Variants in GPATCH2L observed in about 807,000 individuals in gnomAD.
The protein encoded by GPATCH2L is G-patch domain containing 2 like, also known as G patch domain-containing protein 2-like.
In GPATCH2L, 31 loss-of-function variants were observed where a neutral mutation model predicts 57.4. That is an observed-to-expected ratio of 0.54 (90% CI 0.41 to 0.73). GPATCH2L has a LOEUF of 0.73. GPATCH2L is among the 30% of genes least tolerant of loss of function. GPATCH2L has a pLI of 0.00. For synonymous variants in GPATCH2L, 199 were observed against 210.7 expected, an observed-to-expected ratio of 0.94 and a Z score of 0.48; for missense variants, 481 against 599.9, an observed-to-expected ratio of 0.80 and a Z score of 2.07.
At chr14:76,224,509 G>A (rs112652975) in intron 1 of GPATCH2L, among the ~76,000 whole-genome samples, 3,373 of 152,142 alleles carry the variant, frequency 0.022, 75 homozygotes, top group South Asian at 0.077. Flanking sequence ...TATTCATAGT[G>A]AACACTTAAC....
intron 5 of GPATCH2L, chr14:76,173,987 A>C (rs2039207185): frequency 3.3e-6 from 1 of 302,140 alleles, no homozygotes; most frequent in Non-Finnish European, 6.0e-6. Context: ...GAATTCATGA[A>C]TGCATCTTTG....
At chr14:76,183,005 TATC>T (rs1163645607) in intron 8 of GPATCH2L, among the ~76,000 whole-genome samples, 2 of 152,260 alleles carry the variant, frequency 1.3e-5, no homozygotes, top group African/African-American at 2.4e-5. Context: ...AGTAGCATGA[TATC>T]ATGTCAGAAT....
intron 9 of GPATCH2L, among the ~76,000 whole-genome samples, chr14:76,198,539 G>T (rs1378606732): frequency 3.3e-5 from 5 of 152,178 alleles, no homozygotes; most frequent in Non-Finnish European, 1.5e-5. Context: ...AAGCGGAATT[G>T]AGGTGATCAG....
chr14:76,201,104 G>T (rs2040299015), intron 9 of GPATCH2L, among the ~76,000 whole-genome samples: 1 of 152,074 alleles, frequency 6.6e-6, no homozygotes, highest in Admixed American at 6.6e-5. Flanking sequence ...AAAATATTGG[G>T]CCTGATTGTG....
At chr14:76,195,784 T>C (rs1594986375) in intron 8 of GPATCH2L, 94 bp from the exon 9 acceptor site, 1 of 907,710 alleles carries the variant, frequency 1.1e-6, no homozygotes, top group Non-Finnish European at 1.8e-6. Context: ...TGTTTATGTC[T>C]GTAATAGGTT....
At chr14:76,217,215 T>C (rs141374039), downstream of GPATCH2L, among the ~76,000 whole-genome samples, 383 of 152,352 alleles carry the variant, frequency 2.5e-3, 2 homozygotes, top group African/African-American at 8.8e-3. Flanking sequence ...TGTTTTGTTT[T>C]GTTTTTTCTG....
intron 2 of GPATCH2L, among the ~76,000 whole-genome samples, chr14:76,165,574 G>T (rs897311152): frequency 6.6e-6 from 1 of 151,292 alleles, no homozygotes; most frequent in East Asian, 1.9e-4. Flanking sequence ...TTCTGTGCAT[G>T]TATCCCAGAA....
chr14:76,200,581 A>C (rs1053238054), intron 9 of GPATCH2L, among the ~76,000 whole-genome samples: 1 of 152,198 alleles, frequency 6.6e-6, no homozygotes, highest in Non-Finnish European at 1.5e-5. Context: ...TGCCCTCAAG[A>C]AACTCTTGTA....
At chr14:76,158,978 G>A (rs548085903) in intron 2 of GPATCH2L, among the ~76,000 whole-genome samples, 2 of 152,286 alleles carry the variant, frequency 1.3e-5, no homozygotes, top group Admixed American at 6.5e-5. Flanking sequence ...CAGAACTCAG[G>A]GATAGAGAGT....
At chr14:76,235,273 T>C (rs962438730) in intron 2 of GPATCH2L, among the ~76,000 whole-genome samples, 4 of 152,020 alleles carry the variant, frequency 2.6e-5, no homozygotes, top group Non-Finnish European at 4.4e-5. Flanking sequence ...CACCCAAATC[T>C]CACCTTGAAT....
At chr14:76,172,077 A>G (rs1246415050) in intron 4 of GPATCH2L, 58 bp downstream of exon 4, 10 of 1,101,200 alleles carry the variant, frequency 9.1e-6, no homozygotes, top group African/African-American at 1.6e-5. Flanking sequence ...GGGCAGAGCA[A>G]TCACCCCCTA....
Position 76,212,626 on chromosome 14 carries a change from A to G in GPATCH2L, c.*10775A>G, listed in dbSNP as rs1047386301. The G allele has an allele frequency of 6.6e-6, 1 of 152,210 alleles. No individual in the cohort carries two copies. The allele number at this position is 152,210 out of a possible 1,614,324, so 9.4% of individuals were successfully genotyped here. Reference sequence around the variant, plus strand: ...AAAACTAGGACATGGGATGATTTAAATAAGATACAGAAGATCTAGTTGATG... The same window carrying G: ...AAAACTAGGACATGGGATGATTTAAGTAAGATACAGAAGATCTAGTTGATG... On this transcript the variant is annotated 3_prime_UTR_variant, in exon 10 of 10. Coordinates refer to ENST00000261530, the MANE Select transcript of GPATCH2L (RefSeq NM_017926.4).
chr14:76,173,055 G>A (rs1440815293), intron 4 of GPATCH2L, among the ~76,000 whole-genome samples: 2 of 152,142 alleles, frequency 1.3e-5, no homozygotes, highest in African/African-American at 4.8e-5. Flanking sequence ...TAACATTTTG[G>A]TGTGGTTTCC....
At chr14:76,155,823 A>G (rs781165924) in intron 2 of GPATCH2L, among the ~76,000 whole-genome samples, 26 of 152,134 alleles carry the variant, frequency 1.7e-4, no homozygotes, top group Non-Finnish European at 3.5e-4. Context: ...GGATGGGACA[A>G]TTCTTTATGG....
chr14:76,192,119 C>T (rs918668816), intron 8 of GPATCH2L, among the ~76,000 whole-genome samples: 207 of 136,618 alleles, frequency 1.5e-3, no homozygotes, highest in African/African-American at 5.3e-3. Context: ...AGGACTTACT[C>T]TTTTTTTTTT....
At chr14:76,181,765 G>C (rs1484540005) in intron 8 of GPATCH2L, among the ~76,000 whole-genome samples, 1 of 152,202 alleles carries the variant, frequency 6.6e-6, no homozygotes, top group Non-Finnish European at 1.5e-5. Context: ...ATGCAGAAAA[G>C]AGTAGCTAAT....
intron 1 of GPATCH2L, among the ~76,000 whole-genome samples, 152 bp downstream of exon 1, chr14:76,152,143 G>C (rs2038070671): frequency 6.6e-6 from 1 of 152,252 alleles, no homozygotes; most frequent in East Asian, 1.9e-4. Context: ...GCTTTTCAGG[G>C]CCCTTGTCCC....
intron 8 of GPATCH2L, among the ~76,000 whole-genome samples, chr14:76,186,581 A>C (rs866957317): frequency 6.0e-4 from 92 of 152,220 alleles, no homozygotes; most frequent in African/African-American, 2.1e-3. Context: ...AGTTTCAGCC[A>C]CATGTGTGAA....
At chr14:76,196,447 T>TG in intron 9 of GPATCH2L, 1 of 199,140 alleles carries the variant, frequency 5.0e-6, no homozygotes, top group African/African-American at 2.3e-5. Flanking sequence ...GTTTTTTTTT[T>TG]TTTTTTTTTT....
Sources: allele counts gnomAD v4.1 joint callset (sites outside exome capture counted in the v4.1 genomes callset), GRCh38; gene constraint gnomAD v4.1.1; transcripts MANE v1.5; gene names NCBI Gene and HGNC (gene_info 2026-07-23, HGNC 2026-07-21).